Variants in CAPN14 observed in about 807,000 individuals in gnomAD.
CAPN14 encodes calpain-14.
A neutral mutation model predicts 101.3 loss-of-function variants in CAPN14; 94 were observed. The observed-to-expected ratio is 0.93, with a 90% CI of 0.79 to 1.10. The LOEUF (loss-of-function observed/expected upper bound fraction) is 1.10, where lower values mean the gene tolerates loss of function less well. Ranked by LOEUF, CAPN14 falls within the 50% of genes least tolerant of loss-of-function variation. The pLI is 0.00. For missense variants in CAPN14, 837 were observed against 828.4 expected (o/e 1.01, Z -0.13); for synonymous variants, 338 against 317.9 (o/e 1.06, Z -0.67).
chr2:31,213,470 A>G lies in CAPN14; in HGVS notation c.-53+3986T>C, dbSNP rs189550192. 6.7e-3 allele frequency among the ~76,000 whole-genome samples: 1,013 copies of G among 152,326 alleles called. 8 individuals are homozygous for G. Among genetic ancestry groups the G allele is most frequent in the Non-Finnish European group, 0.012 (797 of 68,038 alleles). On this transcript the variant is annotated intron_variant, in intron 1 of 21. Transcript: ENST00000403897. Reference sequence around the variant, plus strand: ...AGTTCTTAGGGGCCACAAGCCTAAAATATTTACTATGCTGTCCTTCATAGG... The same window carrying G: ...AGTTCTTAGGGGCCACAAGCCTAAAGTATTTACTATGCTGTCCTTCATAGG...
chr2:31,196,588 A>AT (rs34367427), intron 8 of CAPN14, among the ~76,000 whole-genome samples: 30,321 of 152,126 alleles, frequency 0.2, 3,361 homozygotes, highest in East Asian at 0.37. Context: ...CCTGTAAAGG[A>AT]TTAAGTATTA....
chr2:31,223,821 C>T (rs1328798367), intron 2 of CAPN14, among the ~76,000 whole-genome samples: 1 of 152,130 alleles, frequency 6.6e-6, no homozygotes, highest in African/African-American at 2.4e-5. Context: ...AGCCACCAAG[C>T]CTGGCCGCTT....
chr2:31,209,904 A>T (rs1256645272), intron 1 of CAPN14, among the ~76,000 whole-genome samples: 3 of 152,186 alleles, frequency 2.0e-5, no homozygotes, highest in African/African-American at 7.2e-5. Flanking sequence ...ATTGAGAGCT[A>T]GTTGTTGAAT....
rs1319992333 is a variant in CAPN14 at position 31,173,814 on chromosome 2, A to C, written c.*867T>G. On this transcript the variant is annotated 3_prime_UTR_variant, in exon 22 of 22. Coordinates refer to ENST00000403897, the MANE Select transcript of CAPN14 (RefSeq NM_001145122.2). ...TATTCTTGGTTGAGAGGGATGACAT[A>C]AACAAGGTGTTTCATGGTAGTTCAA... The C allele has an allele frequency of 6.6e-6, 1 of 152,194 alleles. No homozygotes were observed. The highest frequency in any genetic ancestry group is 1.5e-5 in the Non-Finnish European group (1 of 68,034). The allele number at this position is 152,194 out of a possible 1,614,324, so 9.4% of individuals were successfully genotyped here.
At chr2:31,197,772 A>T (rs1681542009) in intron 7 of CAPN14, among the ~76,000 whole-genome samples, 1 of 152,176 alleles carries the variant, frequency 6.6e-6, no homozygotes, top group African/African-American at 2.4e-5. Flanking sequence ...GGACACAGAG[A>T]AGGCCACGTG....
At chr2:31,229,849 C>T (rs1325119057) in intron 1 of CAPN14, among the ~76,000 whole-genome samples, 4 of 152,124 alleles carry the variant, frequency 2.6e-5, no homozygotes, top group African/African-American at 9.7e-5. Flanking sequence ...TTTTTAAAAA[C>T]TTCAATGCAC....
chr2:31,232,074 G>C (rs1269583424), intron 1 of CAPN14, among the ~76,000 whole-genome samples: 6 of 152,120 alleles, frequency 3.9e-5, no homozygotes, highest in Non-Finnish European at 7.4e-5. Flanking sequence ...ACTGGCCTCT[G>C]ATAATCCCCC....
At chr2:31,190,726 C>G (rs1432999252) in intron 12 of CAPN14, among the ~76,000 whole-genome samples, 3 of 152,196 alleles carry the variant, frequency 2.0e-5, no homozygotes, top group Admixed American at 6.5e-5. Context: ...AAACAACAAA[C>G]AAAGACCCTG....
At chr2:31,175,813 G>C (rs928156782) in intron 21 of CAPN14, among the ~76,000 whole-genome samples, 2 of 152,186 alleles carry the variant, frequency 1.3e-5, no homozygotes, top group African/African-American at 4.8e-5. Flanking sequence ...AGCAGAGGAA[G>C]GGTTGCAGAA....
chr2:31,223,679 C>A (rs1030431549), intron 2 of CAPN14, among the ~76,000 whole-genome samples: 5 of 151,894 alleles, frequency 3.3e-5, no homozygotes, highest in Non-Finnish European at 7.4e-5. Context: ...CAGACGCCCA[C>A]CACGACGCGT....
rs115558950 is a variant in CAPN14, at chr2:31,175,945, T to C, written c.2028+642A>G. On this transcript the variant is annotated intron_variant, in intron 21 of 21. Coordinates refer to ENST00000403897, the MANE Select transcript of CAPN14 (RefSeq NM_001145122.2). ...GTGCATTTTGAAGGATCAGGGAAGATAATCAGTTTCATACATAAATTTGTA... is the reference window on the plus strand; with the variant it reads ...GTGCATTTTGAAGGATCAGGGAAGACAATCAGTTTCATACATAAATTTGTA... Among the ~76,000 whole-genome samples the C allele has an allele frequency of 4.7e-3, 720 of 152,300 alleles. 5 individuals are homozygous for C. The highest frequency in any genetic ancestry group is 0.016 in the African/African-American group (669 of 41,572).
chr2:31,188,419 C>A, intron 13 of CAPN14, 65 bp from the exon 14 acceptor site: 3 of 1,449,080 alleles, frequency 2.1e-6, no homozygotes, highest in Non-Finnish European at 2.8e-6. Flanking sequence ...CCAATCTTCC[C>A]CTTCTCCTGG....
chr2:31,200,233 G>A (rs1176995298), intron 6 of CAPN14, among the ~76,000 whole-genome samples: 1 of 152,116 alleles, frequency 6.6e-6, no homozygotes, highest in East Asian at 1.9e-4. Context: ...TCGAACTCCT[G>A]ACCCCAGGTG....
At chr2:31,207,078 C>T (rs1236423427) in intron 1 of CAPN14, among the ~76,000 whole-genome samples, 1 of 152,212 alleles carries the variant, frequency 6.6e-6, no homozygotes, top group African/African-American at 2.4e-5. Flanking sequence ...GTGCTACAAA[C>T]TGCCTATTAC....
At chr2:31,199,871 T>C (rs754929116) in intron 6 of CAPN14, among the ~76,000 whole-genome samples, 19 of 152,306 alleles carry the variant, frequency 1.2e-4, no homozygotes, top group Non-Finnish European at 2.5e-4. Flanking sequence ...GTTTCAAGTG[T>C]TATCAAATAG....
chr2:31,224,203 C>T (rs1235110722), intron 2 of CAPN14, among the ~76,000 whole-genome samples: 1 of 152,106 alleles, frequency 6.6e-6, no homozygotes, highest in African/African-American at 2.4e-5. Context: ...GACTCTTCTA[C>T]GGTCTCAGCT....
intron 1 of CAPN14, among the ~76,000 whole-genome samples, chr2:31,216,873 C>T (rs1682670609): frequency 2.0e-5 from 3 of 152,306 alleles, no homozygotes; most frequent in African/African-American, 4.8e-5. Flanking sequence ...TGACAGCTAT[C>T]ATTTGAGGCA....
chr2:31,218,487 CTCAA>C (rs1317736856), upstream of CAPN14, among the ~76,000 whole-genome samples: 1 of 152,032 alleles, frequency 6.6e-6, no homozygotes, highest in Non-Finnish European at 1.5e-5. Flanking sequence ...ATCTCTCCAA[CTCAA>C]TCATTTTGTG....
rs1680953319 is a variant in CAPN14, at chr2:31,187,457, C to A, written c.1587+301G>T. Among the ~76,000 whole-genome samples the A allele has an allele frequency of 2.7e-5, 4 of 149,522 alleles. No individual in the cohort carries two copies. The South Asian group carries it at 8.5e-4, about 32-fold the overall frequency. ...CCCCCTGTCCCACTCCCAACTCTGA[C>A]ATTCTACTCTGCTATATCCCATTTT... On this transcript the variant is annotated intron_variant, in intron 15 of 21. Coordinates refer to ENST00000403897, the MANE Select transcript of CAPN14 (RefSeq NM_001145122.2).
Sources: gnomAD v4.1 joint callset for allele counts (sites outside exome capture counted in the v4.1 genomes callset) on GRCh38, gnomAD v4.1.1 for gene constraint, MANE v1.5 for transcripts, NCBI Gene and HGNC (gene_info 2026-07-23, HGNC 2026-07-21) for gene names.